The following STK33 variants were observed in gnomAD, a reference collection of about 807,000 sequenced individuals.
The protein encoded by STK33 is serine/threonine-protein kinase 33.
STK33 carries 52 observed loss-of-function variants against 58.0 expected under a neutral mutation model. The ratio of observed to expected loss-of-function variants is 0.90; its 90% CI spans 0.72 to 1.13. The LOEUF (loss-of-function observed/expected upper bound fraction) is 1.13, where lower values mean the gene tolerates loss of function less well. Among genes scored for constraint, STK33 ranks in the 50% most tolerant of loss-of-function variants. The pLI, the probability that STK33 is intolerant of heterozygous loss-of-function variation, is 0.00. For synonymous variants in STK33, 215 were observed against 200.1 expected, an observed-to-expected ratio of 1.07 and a Z score of -0.63; for missense variants, 630 against 604.2, an observed-to-expected ratio of 1.04 and a Z score of -0.45.
chr11:8,478,978 A>G (rs1949543566), intron 2 of STK33, among the ~76,000 whole-genome samples: 1 of 152,198 alleles, frequency 6.6e-6, no homozygotes, highest in South Asian at 2.1e-4. Context: ...TAAAATTCAC[A>G]TTATTTCAGA....
the STK33 span, among the ~76,000 whole-genome samples, chr11:8,343,258 C>T: frequency 7.9e-5 from 12 of 152,260 alleles, 1 homozygote; most frequent in Admixed American, 2.0e-4. Context: ...GAAGCCATCA[C>T]AGACTGAGTC....
chr11:8,466,825 T>C (rs974494329), intron 6 of STK33: 3 of 152,308 alleles, frequency 2.0e-5, no homozygotes, highest in Non-Finnish European at 4.4e-5. Context: ...CATCCAGGCG[T>C]TTCCATATAT....
At chr11:8,369,206 A>G in the STK33 span, among the ~76,000 whole-genome samples, 1 of 152,148 alleles carries the variant, frequency 6.6e-6, no homozygotes, top group East Asian at 1.9e-4. Flanking sequence ...AAGTCAGGAT[A>G]ATATGAACAC....
At position 8,456,499 on chromosome 11, in the gene STK33, T is replaced by C. The variant is rs559070539; in HGVS notation, c.697+842A>G. On this transcript the variant is annotated intron_variant, in intron 9 of 15. Coordinates refer to ENST00000687296, the MANE Select transcript of STK33 (RefSeq NM_001352389.2). The stretch of plus-strand genomic sequence containing the variant: ...TAATCTAGGACCAATCTCAATGCAG[T>C]AGGTGCTCGGGAACTATCAGCTGGA... Among the ~76,000 whole-genome samples the C allele has an allele frequency of 5.3e-5, 8 of 152,328 alleles. No individual in the cohort carries two copies. In the South Asian group the frequency reaches 1.5e-3, roughly 28 times the overall value.
chr11:8,537,497 A>G (rs890184322), intron 1 of STK33, among the ~76,000 whole-genome samples: 1 of 152,366 alleles, frequency 6.6e-6, no homozygotes, highest in East Asian at 1.9e-4. Context: ...CACTTGTGTC[A>G]TCTCAATATT....
At chr11:8,588,487 G>A (rs1445826354) in intron 1 of STK33, among the ~76,000 whole-genome samples, 1 of 152,170 alleles carries the variant, frequency 6.6e-6, no homozygotes, top group East Asian at 1.9e-4. Context: ...ATAAAAGAAT[G>A]AATCTGGACA....
the STK33 span, among the ~76,000 whole-genome samples, chr11:8,377,737 C>T: frequency 6.6e-6 from 1 of 152,090 alleles, no homozygotes; most frequent in East Asian, 1.9e-4. Context: ...CAAAAGATTC[C>T]AAGATTTGAT....
At chr11:8,441,874 G>T (rs1293523039) in intron 11 of STK33, among the ~76,000 whole-genome samples, 1 of 152,036 alleles carries the variant, frequency 6.6e-6, no homozygotes, top group African/African-American at 2.4e-5. Flanking sequence ...AGATAGATAC[G>T]TAAGCATTTG....
At chr11:8,373,201 G>A in the STK33 span, among the ~76,000 whole-genome samples, 1 of 152,194 alleles carries the variant, frequency 6.6e-6, no homozygotes, top group East Asian at 1.9e-4. Context: ...AAGGACGCGA[G>A]GCCTCTGAAG....
At chr11:8,587,089 G>A (rs10840083) in intron 1 of STK33, among the ~76,000 whole-genome samples, 78,871 of 151,878 alleles carry the variant, frequency 0.52, 20,548 homozygotes, top group African/African-American at 0.54. Context: ...TGCACAGTAG[G>A]TGATCAACAA....
At chr11:8,586,658 T>C (rs1565427117) in intron 1 of STK33, among the ~76,000 whole-genome samples, 1 of 151,884 alleles carries the variant, frequency 6.6e-6, no homozygotes, top group Non-Finnish European at 1.5e-5. Context: ...ACCCCGTCTG[T>C]ACTAAAACTA....
At chr11:8,447,669 C>G (rs1001043810) in intron 11 of STK33, among the ~76,000 whole-genome samples, 2 of 152,196 alleles carry the variant, frequency 1.3e-5, no homozygotes, top group Non-Finnish European at 1.5e-5. Context: ...GACAAACCCA[C>G]AGCCAATATC....
At chr11:8,551,113 T>C (rs946087707) in intron 1 of STK33, among the ~76,000 whole-genome samples, 1 of 152,122 alleles carries the variant, frequency 6.6e-6, no homozygotes, top group African/African-American at 2.4e-5. Context: ...CTGAAATTAT[T>C]TAAGTCAGTT....
chr11:8,501,502 G>A (rs1951511134), intron 1 of STK33, among the ~76,000 whole-genome samples: 1 of 152,058 alleles, frequency 6.6e-6, no homozygotes, highest in Non-Finnish European at 1.5e-5. Flanking sequence ...ACATTCACTA[G>A]GACAGCTATA....
chr11:8,541,062 A>T (rs1955480755), intron 1 of STK33, among the ~76,000 whole-genome samples: 1 of 151,422 alleles, frequency 6.6e-6, no homozygotes, highest in Non-Finnish European at 1.5e-5. Context: ...ACATTTTTTT[A>T]AATTTAGGTT....
At chr11:8,385,574 A>C in the STK33 span, among the ~76,000 whole-genome samples, 1 of 152,182 alleles carries the variant, frequency 6.6e-6, no homozygotes, top group Non-Finnish European at 1.5e-5. Flanking sequence ...CCTTATCTCT[A>C]ATCACAATAT....
chr11:8,410,362 C>T (rs1308296336), intron 15 of STK33, among the ~76,000 whole-genome samples: 1 of 152,002 alleles, frequency 6.6e-6, no homozygotes, highest in Non-Finnish European at 1.5e-5. Context: ...CTAGATAAAG[C>T]AACTGCTACA....
chr11:8,451,250 G>A (rs374697677), intron 11 of STK33, among the ~76,000 whole-genome samples: 20 of 152,076 alleles, frequency 1.3e-4, no homozygotes, highest in African/African-American at 4.8e-4. Flanking sequence ...ACTTCTAAAT[G>A]AAACCACATA....
the STK33 span, among the ~76,000 whole-genome samples, chr11:8,354,104 CTT>C: frequency 2.0e-5 from 3 of 152,312 alleles, no homozygotes; most frequent in East Asian, 3.9e-4. Flanking sequence ...AGAGGAATCA[CTT>C]TGCAAACTGC....
Sources: gnomAD v4.1 joint callset for allele counts (sites outside exome capture counted in the v4.1 genomes callset) on GRCh38, gnomAD v4.1.1 for gene constraint, MANE v1.5 for transcripts, NCBI Gene and HGNC (gene_info 2026-07-23, HGNC 2026-07-21) for gene names.